The following GPR153 variants were observed in gnomAD, a reference collection of about 807,000 sequenced individuals.
The protein encoded by GPR153 is probable G protein-coupled receptor 153.
In GPR153, 27 loss-of-function variants were observed where a neutral mutation model predicts 34.1. The observed-to-expected ratio is 0.79, with a 90% confidence interval of 0.58 to 1.09. The LOEUF is 1.09. Ranked by LOEUF, GPR153 falls within the 50% of genes least tolerant of loss-of-function variation. The probability of loss-of-function intolerance (pLI) is 0.00; values close to 1 mark genes in which losing one functional copy is unlikely to be tolerated. For missense variants in GPR153, 848 were observed against 860.2 expected (o/e 0.99, Z 0.18); for synonymous variants, 408 against 405.4 (o/e 1.01, Z -0.08).
chr1:6,249,614 C>T lies in GPR153; in HGVS notation c.1554G>A (p.Pro518=). ...FECEPQALRR[P]PGPFPAAPAA... ...CGGGCGCAGCGGGGAAGGGCCCGGG[C>T]GGGCGGCGCAGGGCCTGTGGCTCGC... Residue 518 remains proline, a synonymous_variant, in exon 6 of 6, where the codon CCG becomes CCA. Transcript: ENST00000377893. The surrounding 1 kb of genome is among the most constrained non-coding windows in gnomAD (Gnocchi z 4.3). 1 of 1,122,952 alleles carries T rather than the reference C, an allele frequency of 8.9e-7. No individual in the cohort carries two copies. Among genetic ancestry groups the T allele is most frequent in the Non-Finnish European group, 1.1e-6 (1 of 919,268 alleles). 69.6% of individuals were successfully genotyped at this position (1,122,952 alleles called of 1,614,324 possible).
intron 2 of GPR153, 45 bp from the exon 3 acceptor site, chr1:6,254,192 A>G: frequency 6.4e-7 from 1 of 1,559,972 alleles, no homozygotes; most frequent in Non-Finnish European, 8.7e-7. Context: ...CGTCACCCAC[A>G]GGGCCTCCCC....
At chr1:6,253,551 G>C (rs1275913783) in intron 3 of GPR153, among the ~76,000 whole-genome samples, 167 bp downstream of exon 3, 1 of 152,226 alleles carries the variant, frequency 6.6e-6, no homozygotes, top group African/African-American at 2.4e-5. Flanking sequence ...CTCTAGGCAG[G>C]TCTTTACACC....
Position 6,254,791 on chromosome 1 carries a change from AC to A in GPR153, c.114del (p.Lys38AsnfsTer18). 1.2e-6 allele frequency: 2 copies of A among 1,613,626 alleles called. No individual in the cohort carries two copies. The highest frequency in any genetic ancestry group is 2.2e-5 in the East Asian group (1 of 44,868). ...CACAGCAGGAACTCCAAGGGCTTCC[AC>A]TTCTTCTGCTTGGCGCCAACGCTGA... is the stretch of plus-strand genomic sequence containing the variant. ...GILSVGAKQKKWKPLEFLLCT... is the reference protein window; with the variant it reads ...GILSVGAKQKXWKPLEFLLCT... On this transcript the variant is annotated frameshift_variant, in exon 2 of 6. Coordinates refer to ENST00000377893, the MANE Select transcript of GPR153 (RefSeq NM_207370.4). LOFTEE classifies it high-confidence loss of function.
chr1:6,250,564 C>A lies in GPR153; in HGVS notation c.1040G>T (p.Gly347Val). ...DLVLERSLDY[G>V]YGGDFVALDR... is the part of the protein sequence containing the mutation. Reference sequence around the variant, plus strand: ...TAGGGCCACAAAATCACCTCCATAGCCATAGTCCAGGGAGCGCTCCAACAC... The same window carrying A: ...TAGGGCCACAAAATCACCTCCATAGACATAGTCCAGGGAGCGCTCCAACAC... Residue 347 changes from glycine (G) to valine (V), a missense_variant, in exon 5 of 6, where the codon GGC (glycine) becomes GTC (valine). Gly to Val is a moderately radical substitution (Grantham distance 109). Transcript: ENST00000377893. 1 of 1,595,764 alleles carries A rather than the reference C, an allele frequency of 6.3e-7. No homozygotes were observed. Among genetic ancestry groups the A allele is most frequent in the Non-Finnish European group, 8.5e-7 (1 of 1,172,598 alleles).
At chr1:6,256,782 C>A (rs986587334) in intron 1 of GPR153, among the ~76,000 whole-genome samples, 8 of 152,210 alleles carry the variant, frequency 5.3e-5, no homozygotes, top group African/African-American at 1.9e-4. Context: ...GATTACAGGG[C>A]AAGTGCTCCC....
rs1214417106 is a variant in GPR153, at chr1:6,260,389, C to G, written c.-110+436G>C. On this transcript the variant is annotated intron_variant, in intron 1 of 5. Coordinates refer to ENST00000377893, the MANE Select transcript of GPR153 (RefSeq NM_207370.4). The stretch of plus-strand genomic sequence containing the variant: ...CTGGGGCTCCGATCCCCCCCCCCCC[C>G]CGCAATCCCCGCTCCGACTCGCGTG... Among the ~76,000 whole-genome samples, 13 of 141,992 alleles carry G rather than the reference C, an allele frequency of 9.2e-5. No individual in the cohort carries two copies. In the East Asian group the frequency reaches 2.4e-3, roughly 27 times the overall value. 93.2% of individuals were successfully genotyped at this position (141,992 alleles called of 152,430 possible).
At chr1:6,257,132 T>C (rs2100992923) in intron 1 of GPR153, among the ~76,000 whole-genome samples, 1 of 152,356 alleles carries the variant, frequency 6.6e-6, no homozygotes, top group African/African-American at 2.4e-5. Context: ...GCCCCGTGCA[T>C]GACCTGGCAC....
At chr1:6,257,211 CA>C (rs368759387) in intron 1 of GPR153, among the ~76,000 whole-genome samples, 311 of 152,368 alleles carry the variant, frequency 2.0e-3, no homozygotes, top group African/African-American at 7.0e-3. Flanking sequence ...CAGAGCCCCC[CA>C]CAGTGGACAT....
In GPR153 at chr1:6,255,642, G is replaced by GTTTTTTTTTT. The variant is rs59403526; in HGVS notation, c.-109-638_-109-629dup. Among the ~76,000 whole-genome samples, 111 of 38,846 alleles carry GTTTTTTTTTT rather than the reference G, an allele frequency of 2.9e-3. 20 individuals are homozygous for GTTTTTTTTTT. Among genetic ancestry groups the GTTTTTTTTTT allele is most frequent in the African/African-American group, 0.01 (109 of 10,410 alleles). The allele number at this position is 38,846 out of a possible 152,430, so 25.5% of individuals were successfully genotyped here. ...GGCCTGCACCACTATGCCTGGCTACGTTTTTTTTTTTTTTTTTTTTTTTTT... is the reference window on the plus strand; with the variant it reads ...GGCCTGCACCACTATGCCTGGCTACGTTTTTTTTTTTTTTTTTTTTTTTTTTTTTTTTTTT... On this transcript the variant is annotated intron_variant, in intron 1 of 5. Transcript: ENST00000377893.
At position 6,251,059 on chromosome 1, in the gene GPR153, C is replaced by T. The variant is rs760745948; in HGVS notation, c.979+279G>A. Among the ~76,000 whole-genome samples, 31 of 152,122 alleles carry T rather than the reference C, an allele frequency of 2.0e-4. No individual in the cohort carries two copies. The highest frequency in any genetic ancestry group is 4.6e-4 in the Admixed American group (7 of 15,272). Reference sequence around the variant, plus strand: ...GGTTGGGGGGTGAGCCCAGGAGCTCCGCTGGAGCACTTGCAGACATGTCTA... The same window carrying T: ...GGTTGGGGGGTGAGCCCAGGAGCTCTGCTGGAGCACTTGCAGACATGTCTA... On this transcript the variant is annotated intron_variant, in intron 4 of 5. Transcript: ENST00000377893. This position sits in a 1 kb window ranked among gnomAD's most constrained non-coding sequence, Gnocchi z 4.9.
rs1298044007 is a variant in GPR153, at chr1:6,251,405, C to T, written c.912G>A (p.Arg304=). The change falls in exon 4 of 6, where the codon CGG becomes CGA. Residue 304 remains arginine (R), a synonymous_variant. Transcript: ENST00000377893. This position sits in a 1 kb window ranked among gnomAD's most constrained non-coding sequence, Gnocchi z 4.9. ...TCTCCCGGACAGCTTTGAGGTCAGC[C>T]CGGTAGCGGTCGCAGGCCCAGAGGA... The part of the protein sequence containing the change: ...PVFLWACDRY[R]ADLKAVREKC... The T allele has an allele frequency of 3.1e-6, 5 of 1,613,476 alleles. No homozygotes were observed. The highest frequency in any genetic ancestry group is 2.2e-5 in the South Asian group (2 of 91,078).
In GPR153 at chr1:6,249,533, C is replaced by A; in HGVS notation, c.1635G>T (p.Gln545His). The A allele has an allele frequency of 8.3e-7, 1 of 1,204,704 alleles. No homozygotes were observed. The highest frequency in any genetic ancestry group is 3.5e-5 in the East Asian group (1 of 28,866). 74.6% of individuals were successfully genotyped at this position (1,204,704 alleles called of 1,614,324 possible). ...CAGAGGGGCGTGGCCCTGGGCTCCG[C>A]TGGGCGCTGCTTGGGGGCGTCGGGG... ...GEAPTPPSSAQRSPGPRPSAH... is the reference protein window; with the variant it reads ...GEAPTPPSSAHRSPGPRPSAH... The change falls in exon 6 of 6, where the codon CAG (glutamine) becomes CAT (histidine). Residue 545 changes from glutamine (Q) to histidine (H), a missense_variant. Physicochemically the swap from Gln to His is conservative, Grantham distance 24 (BLOSUM62 0). Transcript: ENST00000377893. This position sits in a 1 kb window ranked among gnomAD's most constrained non-coding sequence, Gnocchi z 4.3.
At position 6,253,991 on chromosome 1, in the gene GPR153, GC is replaced by G. The variant is rs1557613904; in HGVS notation, c.512del (p.Gly171AlafsTer18). 6.2e-7 allele frequency: 1 copy of G among 1,613,240 alleles called. No individual in the cohort carries two copies. The highest frequency in any genetic ancestry group is 1.7e-5 in the Admixed American group (1 of 60,022). ...CCAGCAGCAGGAAGCAGACGCCAAA[GC>G]CCAGGCCGATCTCAGCCACGATGAA... ...CRFIVAEIGL[G>X]FGVCFLLLVG... is the part of the protein sequence containing the mutation. On this transcript the variant is annotated frameshift_variant, in exon 3 of 6. Coordinates refer to ENST00000377893, the MANE Select transcript of GPR153 (RefSeq NM_207370.4). LOFTEE classifies it high-confidence loss of function.
Position 6,250,538 on chromosome 1 carries a change from C to G in GPR153, c.1066G>C (p.Asp356His). The G allele has an allele frequency of 6.2e-7, 1 of 1,606,106 alleles. No homozygotes were observed. Among genetic ancestry groups the G allele is most frequent in the Non-Finnish European group, 8.5e-7 (1 of 1,176,598 alleles). The change falls in exon 5 of 6, where the codon GAT becomes CAT. Residue 356 changes from aspartate (D) to histidine (H), a missense_variant. Asp to His is a moderately conservative substitution (Grantham distance 81). Coordinates refer to ENST00000377893, the MANE Select transcript of GPR153 (RefSeq NM_207370.4). ...YGYGGDFVAL[D>H]RMAKYEISAL... ...GAGATCTCATACTTGGCCATCCTAT[C>G]TAGGGCCACAAAATCACCTCCATAG...
intron 1 of GPR153, among the ~76,000 whole-genome samples, chr1:6,259,544 G>A (rs4522020): frequency 0.61 from 90,836 of 150,104 alleles, 29,004 homozygotes; most frequent in Admixed American, 0.72. Flanking sequence ...TGAGCCTCAG[G>A]TCTGCAGGGC....
chr1:6,249,998 C>T lies in GPR153; in HGVS notation c.1170G>A (p.Pro390=). 8.0e-7 allele frequency: 1 copy of T among 1,257,284 alleles called. No homozygotes were observed. The highest frequency in any genetic ancestry group is 1.0e-6 in the Non-Finnish European group (1 of 994,426). 77.9% of individuals were successfully genotyped at this position (1,257,284 alleles called of 1,614,324 possible). ...QEDKMQYLQV[P]PTRRFSHDDA... ...CGTCGTGGGAGAAGCGCCGCGTGGG[C>T]GGGACCTGTCAGGACGCGGCTGGCT... The change falls in exon 6 of 6, where the codon CCG becomes CCA. Residue 390 remains proline (P), a synonymous_variant. Transcript: ENST00000377893. The surrounding 1 kb of genome is among the most constrained non-coding windows in gnomAD (Gnocchi z 4.3).
At chr1:6,253,451 A>G (rs961382054) in intron 3 of GPR153, among the ~76,000 whole-genome samples, 1 of 152,218 alleles carries the variant, frequency 6.6e-6, no homozygotes, top group Non-Finnish European at 1.5e-5. Flanking sequence ...GGCCTTGGGC[A>G]AGGGGAGTAA....
rs1425798723 is a variant in GPR153 at position 6,247,362 on chromosome 1, T to C, written c.*1976A>G. On this transcript the variant is annotated 3_prime_UTR_variant, in exon 6 of 6. Transcript: ENST00000377893. ...GCCTTGGAATGCCAGGTGCAAATCATAAGGAAGTTTTTATTGGGTCCTGTA... is the reference window on the plus strand; with the variant it reads ...GCCTTGGAATGCCAGGTGCAAATCACAAGGAAGTTTTTATTGGGTCCTGTA... The C allele has an allele frequency of 1.3e-5, 2 of 152,184 alleles. No homozygotes were observed. Among genetic ancestry groups the C allele is most frequent in the African/African-American group, 4.8e-5 (2 of 41,444 alleles). The allele number at this position is 152,184 out of a possible 1,614,324, so 9.4% of individuals were successfully genotyped here.
intron 1 of GPR153, among the ~76,000 whole-genome samples, chr1:6,259,650 G>A (rs888482852): frequency 3.3e-5 from 5 of 152,124 alleles, no homozygotes; most frequent in Admixed American, 2.6e-4. Flanking sequence ...TTGGGGCCAG[G>A]CACTCCTGGG....
Sources: allele counts gnomAD v4.1 joint callset (sites outside exome capture counted in the v4.1 genomes callset), GRCh38; gene constraint gnomAD v4.1.1; non-coding constraint Gnocchi (gnomAD v3.1); transcripts MANE v1.5; gene names NCBI Gene and HGNC (gene_info 2026-07-23, HGNC 2026-07-21).